The following RIMS2 variants were observed in gnomAD, a reference collection of about 807,000 sequenced individuals.
RIMS2 encodes the protein regulating synaptic membrane exocytosis protein 2.
Under a neutral mutation model 174.4 loss-of-function variants are expected in RIMS2, and 59 were observed. That is an observed-to-expected ratio of 0.34 (90% CI 0.27 to 0.42). RIMS2 has a LOEUF of 0.42. Among genes scored for constraint, RIMS2 ranks in the 10% least tolerant of loss-of-function variants. RIMS2 has a pLI of 1.00. For synonymous variants in RIMS2, 606 were observed against 572.5 expected (o/e 1.06, Z -0.84); for missense variants, 1,620 against 1,666.3 (o/e 0.97, Z 0.48).
intron 19 of RIMS2, among the ~76,000 whole-genome samples, chr8:104,170,917 G>GT (rs1243279986): frequency 6.6e-6 from 1 of 152,044 alleles, no homozygotes. Context: ...ATGAAGCTTA[G>GT]TTTTGCTGGA....
rs78463935 is a variant in RIMS2 at position 104,184,067 on chromosome 8, C to T, written c.3335-60849C>T. Among the ~76,000 whole-genome samples, 1,272 of 151,650 alleles carry T rather than the reference C, an allele frequency of 8.4e-3. 16 individuals are homozygous for T. Among genetic ancestry groups the T allele is most frequent in the African/African-American group, 0.03 (1,230 of 41,466 alleles). On this transcript the variant is annotated intron_variant, in intron 19 of 23. Coordinates refer to ENST00000504942, the Ensembl canonical transcript of RIMS2. ...AACATGAAAGCATGGGAGTTGTCCA[C>T]ACACCCCACAAAAGGAAAAGAACAA...
intron 1 of RIMS2, among the ~76,000 whole-genome samples, chr8:103,681,831 G>A (rs2096884074): frequency 1.3e-5 from 2 of 152,042 alleles, no homozygotes; most frequent in African/African-American, 4.8e-5. Flanking sequence ...AAGAAGCATG[G>A]ATGTGAGTAG....
At chr8:103,793,478 T>C (rs578157418) in intron 3 of RIMS2, among the ~76,000 whole-genome samples, 29 of 152,322 alleles carry the variant, frequency 1.9e-4, no homozygotes. Flanking sequence ...AATATCATAC[T>C]GAATGGGCAA....
chr8:103,555,527 CTA>C lies in RIMS2; in HGVS notation c.176+54469_176+54470del, dbSNP rs372844808. Reference sequence around the variant, plus strand: ...TCGTTTAACCAAGTATATATCCAAACTATATGATTTCAGTGTGTCAAAGAGAT... The same window carrying C: ...TCGTTTAACCAAGTATATATCCAAACTATGATTTCAGTGTGTCAAAGAGAT... On this transcript the variant is annotated intron_variant, in intron 1 of 23. Coordinates refer to ENST00000504942, the Ensembl canonical transcript of RIMS2. Among the ~76,000 whole-genome samples the C allele has an allele frequency of 1.2e-4, 18 of 152,132 alleles. No individual in the cohort carries two copies. In the East Asian group the frequency reaches 1.4e-3, roughly 11 times the overall value.
chr8:104,023,902 G>T (rs533526980), intron 19 of RIMS2, among the ~76,000 whole-genome samples: 2 of 152,252 alleles, frequency 1.3e-5, no homozygotes, highest in South Asian at 4.1e-4. Context: ...GGAGAAGAGG[G>T]ACAAGTTAAG....
At chr8:103,753,509 A>G (rs1423366801) in intron 2 of RIMS2, among the ~76,000 whole-genome samples, 1 of 152,042 alleles carries the variant, frequency 6.6e-6, no homozygotes, top group African/African-American at 2.4e-5. Flanking sequence ...TTCAGAAGGA[A>G]TGGTACCAGT....
At chr8:104,015,807 A>G (rs574559508) in intron 19 of RIMS2, among the ~76,000 whole-genome samples, 198 of 152,152 alleles carry the variant, frequency 1.3e-3, no homozygotes, top group Admixed American at 4.4e-3. Flanking sequence ...CGTTTACATC[A>G]TTGAGGATGT....
chr8:103,501,197 C>A, intron 1 of RIMS2, 135 bp downstream of exon 1: 1 of 520,002 alleles, frequency 1.9e-6, no homozygotes, highest in Non-Finnish European at 3.1e-6. Flanking sequence ...GGGCTGCGGC[C>A]AGCGCCGGCC....
intron 1 of RIMS2, among the ~76,000 whole-genome samples, chr8:103,685,709 A>G (rs2096933176): frequency 1.3e-5 from 2 of 152,140 alleles, no homozygotes; most frequent in African/African-American, 4.8e-5. Flanking sequence ...TGTCAGTACC[A>G]TGTTTACTTG....
At chr8:104,025,550 CATA>C (rs1297850085) in intron 19 of RIMS2, among the ~76,000 whole-genome samples, 2 of 152,066 alleles carry the variant, frequency 1.3e-5, no homozygotes, top group African/African-American at 2.4e-5. Flanking sequence ...ATACTTGTTG[CATA>C]ATAATTACTA....
intron 3 of RIMS2, among the ~76,000 whole-genome samples, chr8:103,825,553 G>C (rs1443109962): frequency 6.6e-6 from 1 of 151,540 alleles, no homozygotes. Flanking sequence ...CAAAGTGCAG[G>C]GATTACAGAC....
intron 22 of RIMS2, among the ~76,000 whole-genome samples, chr8:104,250,541 A>G (rs2099355783): frequency 6.6e-6 from 1 of 152,164 alleles, no homozygotes; most frequent in Non-Finnish European, 1.5e-5. Flanking sequence ...TAGATTGTCT[A>G]ATTAGTTGCC....
chr8:103,787,456 G>A (rs879688071), intron 3 of RIMS2, among the ~76,000 whole-genome samples: 303 of 149,972 alleles, frequency 2.0e-3, no homozygotes, highest in Non-Finnish European at 3.7e-3. Context: ...AGCTCTTTTA[G>A]GGCAGGCCTG....
intron 4 of RIMS2, among the ~76,000 whole-genome samples, chr8:103,894,455 C>G (rs1156548293): frequency 1.3e-5 from 2 of 151,244 alleles, no homozygotes; most frequent in East Asian, 3.9e-4. Flanking sequence ...TAATAAAATG[C>G]CAAGCTTTTA....
At chr8:103,976,266 A>G (rs1298526482) in intron 16 of RIMS2, 1 of 152,242 alleles carries the variant, frequency 6.6e-6, no homozygotes, top group Non-Finnish European at 1.5e-5. Context: ...ACAAGATGCT[A>G]TACAATAACC....
At chr8:103,885,384 C>G in exon 4 of RIMS2, 1 of 1,612,606 alleles carries the variant, frequency 6.2e-7, no homozygotes, top group Non-Finnish European at 8.5e-7. Flanking sequence ...TATGCTACTT[C>G]GGATACCGCA....
chr8:103,731,273 A>C (rs1248378254), intron 2 of RIMS2, among the ~76,000 whole-genome samples: 1 of 152,150 alleles, frequency 6.6e-6, no homozygotes, highest in African/African-American at 2.4e-5. Flanking sequence ...GAAAGATGTC[A>C]TGCCACTGTT....
At chr8:103,647,616 A>G (rs146007588) in intron 1 of RIMS2, among the ~76,000 whole-genome samples, 4 of 152,256 alleles carry the variant, frequency 2.6e-5, no homozygotes, top group African/African-American at 9.6e-5. Flanking sequence ...TTATTGGCCT[A>G]TTAACAGATT....
intron 3 of RIMS2, among the ~76,000 whole-genome samples, chr8:103,810,934 T>C (rs2154463003): frequency 6.6e-6 from 1 of 152,350 alleles, no homozygotes; most frequent in African/African-American, 2.4e-5. Context: ...TTTATAGTTG[T>C]GCAAATGACT....
Sources: allele counts gnomAD v4.1 joint callset (sites outside exome capture counted in the v4.1 genomes callset), GRCh38; gene constraint gnomAD v4.1.1; transcripts MANE v1.5; gene names NCBI Gene and HGNC (gene_info 2026-07-23, HGNC 2026-07-21).